Variants in MKX observed in about 807,000 individuals in gnomAD.
MKX encodes the protein homeobox protein Mohawk.
Under a neutral mutation model 36.0 loss-of-function variants are expected in MKX, and 13 were observed. That is an observed-to-expected ratio of 0.36 (90% confidence interval 0.24 to 0.57). The LOEUF is 0.57. Ranked by LOEUF, MKX falls within the 20% of genes least tolerant of loss-of-function variation. The pLI is 0.79. For synonymous variants in MKX, 176 were observed against 178.3 expected (o/e 0.99, Z 0.10); for missense variants, 458 against 456.4 (o/e 1.00, Z -0.03).
intron 5 of MKX, among the ~76,000 whole-genome samples, chr10:27,721,333 G>GGCC (rs1385122193): frequency 1.3e-5 from 2 of 151,946 alleles, no homozygotes; most frequent in African/African-American, 4.8e-5. Flanking sequence ...CATGAAAATG[G>GGCC]TACGCTATTC....
chr10:27,739,918 G>A (rs997795421), intron 3 of MKX, among the ~76,000 whole-genome samples: 2 of 152,046 alleles, frequency 1.3e-5, no homozygotes, highest in African/African-American at 4.8e-5. Context: ...TTTTCTGACT[G>A]GAATAATTTA....
At chr10:27,709,715 C>A (rs1836819878) in intron 5 of MKX, among the ~76,000 whole-genome samples, 1 of 152,114 alleles carries the variant, frequency 6.6e-6, no homozygotes, top group South Asian at 2.1e-4. Flanking sequence ...CCTCTCGATG[C>A]CTCTTCTTTA....
chr10:27,728,325 G>T (rs1487463200), intron 5 of MKX, among the ~76,000 whole-genome samples: 1 of 152,200 alleles, frequency 6.6e-6, no homozygotes, highest in Non-Finnish European at 1.5e-5. Context: ...TCTTGATGCC[G>T]CCGTAAGACT....
chr10:27,716,981 G>A (rs1049025335), intron 5 of MKX, among the ~76,000 whole-genome samples: 2 of 152,154 alleles, frequency 1.3e-5, no homozygotes, highest in African/African-American at 4.8e-5. Context: ...TTTCCTGGGG[G>A]AAGGCAGGGG....
chr10:27,737,685 C>T (rs1834808868), intron 3 of MKX, among the ~76,000 whole-genome samples: 1 of 152,060 alleles, frequency 6.6e-6, no homozygotes. Flanking sequence ...TCCTTCTTTG[C>T]TCCTTTCACA....
At position 27,674,611 on chromosome 10, in the gene MKX, T is replaced by C. The variant is rs938452780; in HGVS notation, c.*618A>G. On this transcript the variant is annotated 3_prime_UTR_variant, in exon 7 of 7. Coordinates refer to ENST00000419761, the MANE Select transcript of MKX (RefSeq NM_173576.3). ...TAAATTAGCTTGAAGGAATCACTTC[T>C]TAAATGTACAACGTTCTGTGGATCG... 1.3e-5 allele frequency: 2 copies of C among 152,270 alleles called. No homozygotes were observed. The highest frequency in any genetic ancestry group is 4.8e-5 in the African/African-American group (2 of 41,466). The allele number at this position is 152,270 out of a possible 1,614,324, so 9.4% of individuals were successfully genotyped here.
intron 5 of MKX, among the ~76,000 whole-genome samples, chr10:27,685,876 T>C (rs993207777): frequency 2.0e-5 from 3 of 152,204 alleles, no homozygotes; most frequent in Non-Finnish European, 4.4e-5. Flanking sequence ...ATTTTTGTGG[T>C]TATCCTCTCT....
At chr10:27,735,496 A>G in intron 3 of MKX, 122 bp from the exon 4 acceptor site, 2 of 693,534 alleles carry the variant, frequency 2.9e-6, no homozygotes, top group African/African-American at 1.8e-5. Flanking sequence ...CTCAGGACAT[A>G]AGAATACCGG....
At chr10:27,738,797 G>T (rs970255188) in intron 3 of MKX, among the ~76,000 whole-genome samples, 1 of 152,072 alleles carries the variant, frequency 6.6e-6, no homozygotes, top group Admixed American at 6.5e-5. Flanking sequence ...ATCTGTCCAT[G>T]TTTGAACACA....
intron 5 of MKX, among the ~76,000 whole-genome samples, chr10:27,722,898 T>G (rs1362163845): frequency 6.6e-6 from 1 of 152,166 alleles, no homozygotes; most frequent in African/African-American, 2.4e-5. Context: ...GAGCTTCCTG[T>G]GAGCATTTCA....
rs10632508 is a variant in MKX, at chr10:27,714,009, C to CAAAAAAAAAAAAAAAAA, written c.838+20430_838+20446dup. On this transcript the variant is annotated intron_variant, in intron 5 of 6. Transcript: ENST00000419761. Reference sequence around the variant, plus strand: ...GAGTACAGCAAATTTGTGCAAAGACCAAAAAAAAAAAAAAAAAAAAGAGGC... The same window carrying CAAAAAAAAAAAAAAAAA: ...GAGTACAGCAAATTTGTGCAAAGACCAAAAAAAAAAAAAAAAAAAAAAAAAAAAAAAAAAAAAGAGGC... Among the ~76,000 whole-genome samples the CAAAAAAAAAAAAAAAAA allele has an allele frequency of 2.0e-5, 2 of 102,524 alleles. 1 individual carries two copies. Among genetic ancestry groups the CAAAAAAAAAAAAAAAAA allele is most frequent in the Non-Finnish European group, 4.2e-5 (2 of 47,634 alleles). The allele number at this position is 102,524 out of a possible 152,430, so 67.3% of individuals were successfully genotyped here.
rs1453577667 is a variant in MKX, at chr10:27,744,595, C to T, written c.-82-1098G>A. Among the ~76,000 whole-genome samples, 2 of 152,270 alleles carry T rather than the reference C, an allele frequency of 1.3e-5. No homozygotes were observed. Among genetic ancestry groups the T allele is most frequent in the Non-Finnish European group, 2.9e-5 (2 of 68,002 alleles). ...CTTCGCCCGCCCCATCTCCTCGCCT[C>T]GCGCCTCGGGACAGCTCCCGTTTCC... On this transcript the variant is annotated intron_variant, in intron 1 of 6. Coordinates refer to ENST00000419761, the MANE Select transcript of MKX (RefSeq NM_173576.3). The surrounding 1 kb of genome is among the most constrained non-coding windows in gnomAD (Gnocchi z 5.6).
At chr10:27,678,980 T>C (rs947848436) in intron 5 of MKX, among the ~76,000 whole-genome samples, 1 of 152,192 alleles carries the variant, frequency 6.6e-6, no homozygotes, top group Non-Finnish European at 1.5e-5. Context: ...ATCTCAGCAA[T>C]GTACTACACA....
intron 5 of MKX, among the ~76,000 whole-genome samples, chr10:27,697,692 T>C (rs747788489): frequency 1.3e-5 from 2 of 152,242 alleles, no homozygotes; most frequent in African/African-American, 2.4e-5. Flanking sequence ...ATTTACTGAA[T>C]GTGTGCTGTA....
intron 5 of MKX, among the ~76,000 whole-genome samples, chr10:27,694,527 A>AAAATAATATAT (rs547670335): frequency 8.7e-6 from 1 of 114,344 alleles, no homozygotes; most frequent in African/African-American, 3.3e-5. Context: ...AAAAAAAAAA[A>AAAATAATATAT]ATATATATAT....
chr10:27,730,352 G>T (rs993878256), intron 5 of MKX, among the ~76,000 whole-genome samples: 13 of 151,884 alleles, frequency 8.6e-5, no homozygotes, highest in Non-Finnish European at 1.9e-4. Context: ...CTTCAATTAG[G>T]ATTACTACTT....
At chr10:27,675,623 T>C (rs1463714733) in intron 5 of MKX, 69 bp from the exon 6 acceptor site, 2 of 1,437,316 alleles carry the variant, frequency 1.4e-6, no homozygotes, top group Non-Finnish European at 9.6e-7. Flanking sequence ...AGGAGTTTCA[T>C]CACTAATGAC....
At chr10:27,711,483 C>CTTTCTTTCTTTCTTTCTTTTTCTT (rs1391922537) in intron 5 of MKX, among the ~76,000 whole-genome samples, 19 of 63,264 alleles carry the variant, frequency 3.0e-4, no homozygotes, top group African/African-American at 1.0e-3. Flanking sequence ...TTCTTTCTTT[C>CTTTCTTTCTTTCTTTCTTTTTCTT]TCTCTCTCTC....
chr10:27,700,759 C>A (rs1303042118), intron 5 of MKX, among the ~76,000 whole-genome samples: 1 of 152,094 alleles, frequency 6.6e-6, no homozygotes, highest in Non-Finnish European at 1.5e-5. Flanking sequence ...CAGTAGTGAA[C>A]AAGAGGAAGG....
Sources: gnomAD v4.1 joint callset for allele counts (sites outside exome capture counted in the v4.1 genomes callset) on GRCh38, gnomAD v4.1.1 for gene constraint, Gnocchi (gnomAD v3.1) non-coding constraint, MANE v1.5 for transcripts, NCBI Gene and HGNC (gene_info 2026-07-23, HGNC 2026-07-21) for gene names.